Variants in TRAPPC9 observed in about 807,000 individuals in gnomAD.
The protein encoded by TRAPPC9 is IKK2 binding protein.
A neutral mutation model predicts 124.0 loss-of-function variants in TRAPPC9; 83 were observed. The observed-to-expected ratio is 0.67, with a 90% CI of 0.56 to 0.80. TRAPPC9 has a LOEUF of 0.80. Ranked by LOEUF, TRAPPC9 falls within the 30% of genes least tolerant of loss-of-function variation. The probability of loss-of-function intolerance (pLI) is 0.00; values close to 1 mark genes in which losing one functional copy is unlikely to be tolerated. For missense variants in TRAPPC9, 1,302 were observed against 1,508.3 expected (o/e 0.86, Z 2.27); for synonymous variants, 638 against 617.5 (o/e 1.03, Z -0.49).
At chr8:139,882,627 A>G (rs910758441) in intron 21 of TRAPPC9, among the ~76,000 whole-genome samples, 1 of 152,158 alleles carries the variant, frequency 6.6e-6, no homozygotes, top group Non-Finnish European at 1.5e-5. Flanking sequence ...GGCCCACGTC[A>G]TCTATGGGGA....
chr8:139,937,296 A>G (rs1353888075), intron 19 of TRAPPC9, among the ~76,000 whole-genome samples: 1 of 152,208 alleles, frequency 6.6e-6, no homozygotes, highest in Admixed American at 6.5e-5. Flanking sequence ...AAGTAGACAC[A>G]GATAGCAATA....
chr8:139,932,258 C>T, intron 19 of TRAPPC9: 1 of 452,262 alleles, frequency 2.2e-6, no homozygotes, highest in South Asian at 1.6e-5. Context: ...GAGTCCCGCA[C>T]CACGGGGCCT....
At chr8:140,096,455 T>G (rs1011530019) in intron 17 of TRAPPC9, 10 of 152,276 alleles carry the variant, frequency 6.6e-5, no homozygotes, top group African/African-American at 2.4e-4. Flanking sequence ...AGTTAGGAAA[T>G]TATTGCAATA....
At chr8:140,109,272 G>A (rs1367036840) in intron 17 of TRAPPC9, among the ~76,000 whole-genome samples, 1 of 152,084 alleles carries the variant, frequency 6.6e-6, no homozygotes. Flanking sequence ...TGGGGAGGGG[G>A]CACTAATAAT....
intron 19 of TRAPPC9, among the ~76,000 whole-genome samples, chr8:139,957,522 G>C (rs1835080166): frequency 6.6e-6 from 1 of 152,222 alleles, no homozygotes; most frequent in African/African-American, 2.4e-5. Context: ...GTGTCCTCGG[G>C]AATAAAAGGG....
intron 1 of TRAPPC9, among the ~76,000 whole-genome samples, chr8:140,451,891 C>T (rs934542263): frequency 6.6e-6 from 1 of 152,128 alleles, no homozygotes; most frequent in South Asian, 2.1e-4. Context: ...AAGGCCGAAG[C>T]TGGCGGATCA....
chr8:140,275,555 C>T lies in TRAPPC9; in HGVS notation c.2278+103G>A, dbSNP rs1588073422. 33 of 1,338,954 alleles carry T rather than the reference C, an allele frequency of 2.5e-5. 1 individual carries two copies. The South Asian group carries it at 3.9e-4, about 16-fold the overall frequency. The allele number at this position is 1,338,954 out of a possible 1,614,324, so 82.9% of individuals were successfully genotyped here. Reference sequence around the variant, plus strand: ...CTTCTACTGACTTCAACTGAATCCACAAAGAAGTTTTTAGATTCTCTGAAA... The same window carrying T: ...CTTCTACTGACTTCAACTGAATCCATAAAGAAGTTTTTAGATTCTCTGAAA... On this transcript the variant is annotated intron_variant, in intron 15 of 22. Coordinates refer to ENST00000438773, the MANE Select transcript of TRAPPC9 (RefSeq NM_001160372.4).
chr8:140,404,906 ATGCG>A (rs200336977), intron 6 of TRAPPC9, among the ~76,000 whole-genome samples: 6,370 of 59,496 alleles, frequency 0.11, 142 homozygotes, highest in South Asian at 0.29. Flanking sequence ...GTGTGTGAGC[ATGCG>A]TGTGTGTGTG....
rs553698375 is a variant in TRAPPC9, at chr8:140,375,860, G to A, written c.1135-4680C>T. Among the ~76,000 whole-genome samples, 31 of 152,242 alleles carry A rather than the reference G, an allele frequency of 2.0e-4. No individual in the cohort carries two copies. The South Asian group carries it at 3.9e-3, about 19-fold the overall frequency. ...GATGTGTAGGGGCAGCCTGGTGGCC[G>A]CACTCAACTAAATGATGACCGTGGG... On this transcript the variant is annotated intron_variant, in intron 7 of 22. Coordinates refer to ENST00000438773, the MANE Select transcript of TRAPPC9 (RefSeq NM_001160372.4).
chr8:140,119,110 T>C (rs1297515581), intron 17 of TRAPPC9, among the ~76,000 whole-genome samples: 1 of 152,064 alleles, frequency 6.6e-6, no homozygotes, highest in Admixed American at 6.5e-5. Flanking sequence ...CACAGCAAGA[T>C]AAGGCAAGGA....
chr8:140,012,925 G>C (rs564263829), intron 18 of TRAPPC9, among the ~76,000 whole-genome samples: 20 of 152,152 alleles, frequency 1.3e-4, no homozygotes, highest in Non-Finnish European at 2.8e-4. Flanking sequence ...AAGCAAAGGG[G>C]TTACAGGGAG....
At position 140,389,284 on chromosome 8, in the gene TRAPPC9, G is replaced by A. The variant is rs185116449; in HGVS notation, c.1134+8336C>T. ...GTCCTTTTAGGTAAAGGGCATATAA[G>A]TGTTCATTGAACTACTCCTGCAGCT... On this transcript the variant is annotated intron_variant, in intron 7 of 22. Coordinates refer to ENST00000438773, the MANE Select transcript of TRAPPC9 (RefSeq NM_001160372.4). Among the ~76,000 whole-genome samples, 84 of 152,236 alleles carry A rather than the reference G, an allele frequency of 5.5e-4. No individual in the cohort carries two copies. In the East Asian group the frequency reaches 0.015, roughly 27 times the overall value.
At chr8:139,910,327 A>G (rs1041780102) in intron 19 of TRAPPC9, 27 bp from the exon 20 acceptor site, 3 of 1,613,840 alleles carry the variant, frequency 1.9e-6, no homozygotes, top group Admixed American at 3.3e-5. Context: ...AACACAGCAG[A>G]GAATTCATCA....
chr8:140,212,576 T>C (rs750948266), intron 17 of TRAPPC9, among the ~76,000 whole-genome samples: 2 of 152,198 alleles, frequency 1.3e-5, no homozygotes, highest in Non-Finnish European at 2.9e-5. Context: ...TTTTCCCCCA[T>C]GATCTCTTTG....
intron 21 of TRAPPC9, among the ~76,000 whole-genome samples, chr8:139,817,192 C>T (rs558955199): frequency 8.5e-5 from 13 of 152,198 alleles, no homozygotes; most frequent in Admixed American, 2.6e-4. Context: ...AGGTTCACAG[C>T]GCCCCATCTG....
intron 17 of TRAPPC9, among the ~76,000 whole-genome samples, chr8:140,072,591 G>GAGGAGGAAGAGGAGGAGGAGGAGGA (rs1452226045): frequency 4.3e-3 from 57 of 13,186 alleles, no homozygotes; most frequent in African/African-American, 0.016. Context: ...GGAGGAGAAG[G>GAGGAGGAAGAGGAGGAGGAGGAGGA]GAAGGAGGAG....
rs1191374915 is a variant in TRAPPC9 at position 139,907,431 on chromosome 8, T to C, written c.2964+2716A>G. ...GCCAATTCAATCTTTGGTCTTTCCATCTGCTTGAATTCAGGTTTACAATAG... is the reference window on the plus strand; with the variant it reads ...GCCAATTCAATCTTTGGTCTTTCCACCTGCTTGAATTCAGGTTTACAATAG... On this transcript the variant is annotated intron_variant, in intron 20 of 22. Transcript: ENST00000438773. This position sits in a 1 kb window ranked among gnomAD's most constrained non-coding sequence, Gnocchi z 4.7. 6.6e-6 allele frequency among the ~76,000 whole-genome samples: 1 copy of C among 151,982 alleles called. No homozygotes were observed. Among genetic ancestry groups the C allele is most frequent in the Non-Finnish European group, 1.5e-5 (1 of 68,022 alleles).
intron 15 of TRAPPC9, among the ~76,000 whole-genome samples, chr8:140,263,238 T>C (rs768854986): frequency 2.0e-5 from 3 of 152,180 alleles, no homozygotes; most frequent in Non-Finnish European, 2.9e-5. Flanking sequence ...ATCCCTCTGC[T>C]GCCCCCGCCC....
intron 17 of TRAPPC9, among the ~76,000 whole-genome samples, chr8:140,113,206 C>T (rs144850247): frequency 2.5e-3 from 385 of 152,334 alleles, no homozygotes; most frequent in African/African-American, 8.4e-3. Flanking sequence ...ACAAATAGAA[C>T]ATAGTCCCCT....
Sources: gnomAD v4.1 joint callset for allele counts (sites outside exome capture counted in the v4.1 genomes callset) on GRCh38, gnomAD v4.1.1 for gene constraint, Gnocchi (gnomAD v3.1) non-coding constraint, MANE v1.5 for transcripts, NCBI Gene and HGNC (gene_info 2026-07-23, HGNC 2026-07-21) for gene names.